The following GNA14 variants were observed in gnomAD, a reference collection of about 807,000 sequenced individuals.
The protein encoded by GNA14 is G protein subunit alpha 14, also known as guanine nucleotide-binding protein subunit alpha-14.
GNA14 carries 50 observed loss-of-function variants against 42.0 expected under a neutral mutation model. The observed-to-expected ratio is 1.19, with a 90% CI of 0.95 to 1.51. The LOEUF is 1.51. GNA14 is among the 40% of genes most tolerant of loss of function. The pLI, the probability that GNA14 is intolerant of heterozygous loss-of-function variation, is 0.00. For synonymous variants in GNA14, 173 were observed against 163.1 expected (o/e 1.06, Z -0.46); for missense variants, 473 against 446.2 (o/e 1.06, Z -0.54).
chr9:77,638,783 G>A (rs544688134), intron 1 of GNA14, among the ~76,000 whole-genome samples: 1 of 152,318 alleles, frequency 6.6e-6, no homozygotes, highest in African/African-American at 2.4e-5. Flanking sequence ...AGAGGACACT[G>A]CAATAACGCA....
intron 1 of GNA14, among the ~76,000 whole-genome samples, chr9:77,589,218 AT>A (rs1587840122): frequency 6.6e-6 from 1 of 152,296 alleles, no homozygotes; most frequent in East Asian, 1.9e-4. Context: ...AAGGAAATAA[AT>A]GCTCACTTGC....
At chr9:77,428,322 A>G (rs1345636409) in intron 5 of GNA14, among the ~76,000 whole-genome samples, 2 of 151,630 alleles carry the variant, frequency 1.3e-5, no homozygotes, top group African/African-American at 4.8e-5. Flanking sequence ...CTCGTGATCC[A>G]CCTGCCTCGG....
intron 2 of GNA14, among the ~76,000 whole-genome samples, chr9:77,465,206 T>C (rs559054778): frequency 6.6e-6 from 1 of 152,342 alleles, no homozygotes; most frequent in South Asian, 2.1e-4. Flanking sequence ...GGGCAGCCAA[T>C]AAGACAACCT....
intron 1 of GNA14, among the ~76,000 whole-genome samples, chr9:77,545,230 A>C (rs1357910042): frequency 6.6e-6 from 1 of 152,150 alleles, no homozygotes; most frequent in Non-Finnish European, 1.5e-5. Flanking sequence ...CTCCACTTCT[A>C]AAGATAAATT....
chr9:77,547,282 T>A (rs910003411), intron 1 of GNA14, among the ~76,000 whole-genome samples: 1 of 152,210 alleles, frequency 6.6e-6, no homozygotes, highest in Non-Finnish European at 1.5e-5. Flanking sequence ...AGATAGCTAT[T>A]ATCTGTGTTA....
chr9:77,431,024 T>TTGTGTG (rs10631280), intron 4 of GNA14, among the ~76,000 whole-genome samples: 5,003 of 101,360 alleles, frequency 0.049, 101 homozygotes, highest in African/African-American at 0.078. Flanking sequence ...AAGTATACAT[T>TTGTGTG]TGTGTGTGTG....
intron 1 of GNA14, among the ~76,000 whole-genome samples, chr9:77,547,102 T>C (rs1638903552): frequency 6.6e-6 from 1 of 152,194 alleles, no homozygotes; most frequent in Admixed American, 6.5e-5. Context: ...TAACTCAGAT[T>C]TTCAGTAAGA....
At chr9:77,637,866 G>C (rs1217482237) in intron 1 of GNA14, among the ~76,000 whole-genome samples, 1 of 152,072 alleles carries the variant, frequency 6.6e-6, no homozygotes, top group Non-Finnish European at 1.5e-5. Flanking sequence ...TATCACATAG[G>C]TAATACTTTT....
rs1374795276 is a variant in GNA14, at chr9:77,647,985, G to C, written c.-192C>G. The C allele has an allele frequency of 1.6e-6, 1 of 624,532 alleles. No individual in the cohort carries two copies. The highest frequency in any genetic ancestry group is 1.9e-5 in the African/African-American group (1 of 51,824). The allele number at this position is 624,532 out of a possible 1,614,324, so 38.7% of individuals were successfully genotyped here. A position where few individuals can be genotyped will look rare whatever the true frequency, so the allele number is the denominator to read the frequency against. On this transcript the variant is annotated 5_prime_UTR_variant, in exon 1 of 7. Coordinates refer to ENST00000341700, the MANE Select transcript of GNA14 (RefSeq NM_004297.4). ...CCCCTTCGAAAGTCGGCTCTGAGGC[G>C]GGGTGAATGCCGAGCGCTGGGAACG...
intron 2 of GNA14, among the ~76,000 whole-genome samples, chr9:77,446,097 C>A (rs935586890): frequency 3.9e-5 from 6 of 152,162 alleles, no homozygotes; most frequent in Non-Finnish European, 5.9e-5. Flanking sequence ...GGGCAGAAAA[C>A]GTGAGTGACC....
chr9:77,557,293 C>G (rs895625246), intron 1 of GNA14, among the ~76,000 whole-genome samples: 6 of 152,208 alleles, frequency 3.9e-5, no homozygotes, highest in Non-Finnish European at 8.8e-5. Flanking sequence ...AAGCAGCTGA[C>G]TCCGTGAGGC....
chr9:77,587,555 G>C (rs1241967258), intron 1 of GNA14, among the ~76,000 whole-genome samples: 2 of 147,450 alleles, frequency 1.4e-5, no homozygotes, highest in East Asian at 1.9e-4. Flanking sequence ...AGACGCAAAA[G>C]TCACATAAGA....
At chr9:77,506,405 G>A (rs542028894) in intron 2 of GNA14, among the ~76,000 whole-genome samples, 4 of 152,080 alleles carry the variant, frequency 2.6e-5, no homozygotes, top group South Asian at 4.2e-4. Context: ...GAGGCCGGGC[G>A]CAGTGGCTCA....
chr9:77,440,218 T>C (rs1340227808), intron 2 of GNA14, among the ~76,000 whole-genome samples: 2 of 152,248 alleles, frequency 1.3e-5, no homozygotes, highest in Non-Finnish European at 2.9e-5. Flanking sequence ...TCCATGTGTG[T>C]TTCATTCAGA....
intron 2 of GNA14, among the ~76,000 whole-genome samples, chr9:77,459,619 T>G (rs1281602638): frequency 6.6e-6 from 1 of 152,192 alleles, no homozygotes; most frequent in East Asian, 1.9e-4. Context: ...AGCTCTCCAC[T>G]GTCAGTCCCA....
In GNA14 at chr9:77,447,127, T is replaced by TG. The variant is rs1257161535; in HGVS notation, c.310-12606_310-12605insC. On this transcript the variant is annotated intron_variant, in intron 2 of 6. Coordinates refer to ENST00000341700, the MANE Select transcript of GNA14 (RefSeq NM_004297.4). The stretch of plus-strand genomic sequence containing the variant: ...TACAGGCACACACCACCACGCCGAG[T>TG]AGAGATGGGGTTTCACCATGTTAGC... Among the ~76,000 whole-genome samples, 8 of 152,034 alleles carry TG rather than the reference T, an allele frequency of 5.3e-5. No homozygotes were observed. In the East Asian group the frequency reaches 1.5e-3, roughly 29 times the overall value.
chr9:77,587,858 G>C (rs1823329670), intron 1 of GNA14, among the ~76,000 whole-genome samples: 1 of 152,134 alleles, frequency 6.6e-6, no homozygotes, highest in African/African-American at 2.4e-5. Context: ...CATAGTTCTG[G>C]ATTTCAAAAA....
chr9:77,613,948 T>C (rs114142450), intron 1 of GNA14, among the ~76,000 whole-genome samples: 2,157 of 152,316 alleles, frequency 0.014, 42 homozygotes, highest in African/African-American at 0.049. Context: ...CAGCTAGTAG[T>C]GTAGTTAGTC....
At chr9:77,488,865 A>T (rs889580819) in intron 2 of GNA14, among the ~76,000 whole-genome samples, 1 of 151,978 alleles carries the variant, frequency 6.6e-6, no homozygotes, top group African/African-American at 2.4e-5. Flanking sequence ...CAGTGCAAAG[A>T]AACAGACATA....
Sources: gnomAD v4.1 joint callset for allele counts (sites outside exome capture counted in the v4.1 genomes callset) on GRCh38, gnomAD v4.1.1 for gene constraint, MANE v1.5 for transcripts, NCBI Gene and HGNC (gene_info 2026-07-23, HGNC 2026-07-21) for gene names.